Variants in CRLF1 observed in about 807,000 individuals in gnomAD.
CRLF1 encodes cytokine receptor-like factor 1.
A neutral mutation model predicts 48.9 loss-of-function variants in CRLF1; 36 were observed. The observed-to-expected ratio is 0.74, with a 90% confidence interval of 0.56 to 0.97. CRLF1 has a LOEUF of 0.97. Ranked by LOEUF, CRLF1 falls within the 50% of genes least tolerant of loss-of-function variation. CRLF1 has a pLI of 0.00. For synonymous variants in CRLF1, 256 were observed against 253.4 expected, an observed-to-expected ratio of 1.01 and a Z score of -0.10; for missense variants, 534 against 575.1, an observed-to-expected ratio of 0.93 and a Z score of 0.73.
chr19:18,594,219 C>G, intron 7 of CRLF1, 28 bp downstream of exon 7: 2 of 1,612,508 alleles, frequency 1.2e-6, no homozygotes, highest in Non-Finnish European at 1.7e-6. Context: ...TGTCCCCACC[C>G]CCACGCCCGA....
intron 8 of CRLF1, 26 bp downstream of exon 8, chr19:18,594,039 C>T: frequency 9.4e-6 from 12 of 1,271,606 alleles, no homozygotes; most frequent in East Asian, 2.8e-5. Context: ...TGCTCCCTCC[C>T]GCCCACCCAT....
At position 18,599,700 on chromosome 19, in the gene CRLF1, AG is replaced by A. The variant is rs1467789973; in HGVS notation, c.261del (p.Ser88ProfsTer61). The A allele has an allele frequency of 1.2e-6, 2 of 1,611,780 alleles. No homozygotes were observed. Among genetic ancestry groups the A allele is most frequent in the Non-Finnish European group, 1.7e-6 (2 of 1,179,232 alleles). On this transcript the variant is annotated frameshift_variant, in exon 2 of 9. Coordinates refer to ENST00000392386, the MANE Select transcript of CRLF1 (RefSeq NM_004750.5). LOFTEE classifies it high-confidence loss of function. ...AAGGTGGAGGCGTTGAGTACACGGGAGAGCTCAGGGGGCAGGCGGCGCCCGT... is the reference window on the plus strand; with the variant it reads ...AAGGTGGAGGCGTTGAGTACACGGGAAGCTCAGGGGGCAGGCGGCGCCCGT... Reference protein sequence around the residue: ...TLNGRRLPPELSRVLNASTLA... With the variant: ...TLNGRRLPPEXSRVLNASTLA...
intron 1 of CRLF1, among the ~76,000 whole-genome samples, chr19:18,600,461 C>T (rs894554823): frequency 6.6e-6 from 1 of 151,980 alleles, no homozygotes; most frequent in African/African-American, 2.4e-5. Flanking sequence ...CTCCGCCTCC[C>T]GGGATCATGC....
intron 4 of CRLF1, among the ~76,000 whole-genome samples, chr19:18,598,137 C>T (rs1976167146): frequency 6.6e-6 from 1 of 152,192 alleles, no homozygotes; most frequent in Non-Finnish European, 1.5e-5. Flanking sequence ...GCCCCCTCCC[C>T]TCTCCCCAGG....
intron 1 of CRLF1, among the ~76,000 whole-genome samples, chr19:18,603,950 C>T (rs1026912019): frequency 2.0e-5 from 3 of 152,094 alleles, no homozygotes; most frequent in African/African-American, 4.8e-5. Context: ...GCCAGCCGCC[C>T]GCTAATTCGG....
rs746899162 is a variant in CRLF1, at chr19:18,598,606, G to C, written c.528-5C>G. On this transcript the variant is annotated splice_region_variant and splice_polypyrimidine_tract_variant and intron_variant, in intron 3 of 8. Transcript: ENST00000392386. ...GTGTTGTCCTGGCCATACCACCTGC[G>C]GGGATGGGAGGGCGACAGGACGCAT... 1 of 1,613,992 alleles carries C rather than the reference G, an allele frequency of 6.2e-7. No homozygotes were observed. The highest frequency in any genetic ancestry group is 8.5e-7 in the Non-Finnish European group (1 of 1,179,962).
intron 1 of CRLF1, among the ~76,000 whole-genome samples, chr19:18,603,658 C>T (rs1403870591): frequency 6.6e-6 from 1 of 152,244 alleles, no homozygotes; most frequent in African/African-American, 2.4e-5. Context: ...CCCTGAATGC[C>T]AGCGCTGCCC....
chr19:18,602,481 G>A (rs988058400), intron 1 of CRLF1, among the ~76,000 whole-genome samples: 5 of 152,010 alleles, frequency 3.3e-5, no homozygotes, highest in African/African-American at 1.2e-4. Context: ...GGAGGGGGTG[G>A]TGGCCCCATG....
rs1215326408 is a variant in CRLF1, at chr19:18,593,536, G to A, written c.*30C>T. On this transcript the variant is annotated 3_prime_UTR_variant, in exon 9 of 9. Coordinates refer to ENST00000392386, the MANE Select transcript of CRLF1 (RefSeq NM_004750.5). The stretch of plus-strand genomic sequence containing the variant: ...GGGTTCGGCCTCTGCGTCTCCACGT[G>A]GCAGGGAGGGTGGCCTGAGCCCCTA... 13 of 1,610,352 alleles carry A rather than the reference G, an allele frequency of 8.1e-6. 1 individual carries two copies. Among genetic ancestry groups the A allele is most frequent in the South Asian group, 5.5e-5 (5 of 90,302 alleles).
At chr19:18,594,003 G>T in intron 8 of CRLF1, 62 bp downstream of exon 8, 1 of 1,536,490 alleles carries the variant, frequency 6.5e-7, no homozygotes, top group Non-Finnish European at 8.8e-7. Context: ...AACAAGACCT[G>T]CAGCCACCGG....
intron 1 of CRLF1, among the ~76,000 whole-genome samples, chr19:18,600,805 T>C (rs1388064773): frequency 6.6e-6 from 1 of 151,852 alleles, no homozygotes; most frequent in Non-Finnish European, 1.5e-5. Context: ...AGGCATGCTT[T>C]GCTTTTTATT....
chr19:18,605,705 G>A (rs1273498547), intron 1 of CRLF1, among the ~76,000 whole-genome samples: 1 of 152,226 alleles, frequency 6.6e-6, no homozygotes, highest in East Asian at 1.9e-4. Flanking sequence ...TGCATACGGA[G>A]ACGTATCCTT....
chr19:18,594,032 T>TGGGGGGGCC, intron 8 of CRLF1, 33 bp downstream of exon 8: 29 of 695,766 alleles, frequency 4.2e-5, no homozygotes, highest in Non-Finnish European at 5.5e-5. Context: ...CTCCCCTTGC[T>TGGGGGGGCC]CCCTCCCGCC....
chr19:18,597,024 C>T lies in CRLF1; in HGVS notation c.723G>A (p.Val241=), dbSNP rs776875106. 4 of 1,612,772 alleles carry T rather than the reference C, an allele frequency of 2.5e-6. No homozygotes were observed. The highest frequency in any genetic ancestry group is 3.4e-6 in the Non-Finnish European group (4 of 1,179,656). The part of the protein sequence containing the change: ...DVVTTDPPPD[V]HVSRVGGLED... ...CCAGGCCCCCGACGCGGCTCACGTG[C>T]ACGTCGGGCGGGGGGTCCGTGGTCA... The change falls in exon 5 of 9, where the codon GTG becomes GTA. Residue 241 remains valine, a synonymous_variant. Transcript: ENST00000392386.
At chr19:18,599,965 AT>A in intron 1 of CRLF1, 119 bp from the exon 2 acceptor site, 1 of 1,105,140 alleles carries the variant, frequency 9.0e-7, no homozygotes, top group South Asian at 2.0e-5. Context: ...ATTGTCCCCC[AT>A]TTTACAGATA....
intron 1 of CRLF1, among the ~76,000 whole-genome samples, chr19:18,605,944 T>C (rs1028608534): frequency 6.6e-6 from 1 of 151,864 alleles, no homozygotes; most frequent in African/African-American, 2.4e-5. Context: ...CTGAAAACGG[T>C]TCTAAGCGCC....
At chr19:18,593,803 G>T in intron 8 of CRLF1, 1 of 985,468 alleles carries the variant, frequency 1.0e-6, no homozygotes, top group Non-Finnish European at 1.2e-6. Flanking sequence ...TGCTAACTAG[G>T]GTGAGTATGT....
intron 8 of CRLF1, 122 bp downstream of exon 8, chr19:18,593,943 G>T: frequency 6.7e-7 from 1 of 1,488,128 alleles, no homozygotes; most frequent in Non-Finnish European, 9.1e-7. Context: ...GAAGAGGACG[G>T]ATTCCATCTC....
Position 18,606,129 on chromosome 19 carries a change from G to T in CRLF1, c.115+413C>A, listed in dbSNP as rs1319583752. Among the ~76,000 whole-genome samples the T allele has an allele frequency of 6.6e-6, 1 of 151,410 alleles. No homozygotes were observed. Among genetic ancestry groups the T allele is most frequent in the African/African-American group, 2.4e-5 (1 of 41,268 alleles). On this transcript the variant is annotated intron_variant, in intron 1 of 8. Transcript: ENST00000392386. This position sits in a 1 kb window ranked among gnomAD's most constrained non-coding sequence, Gnocchi z 4.8. ...GGGGCTCATCCCTCCGCCTGGGGGG[G>T]CCCGCTGGGGGCCCGCACCCAGCGC...
Sources: gnomAD v4.1 joint callset for allele counts (sites outside exome capture counted in the v4.1 genomes callset) on GRCh38, gnomAD v4.1.1 for gene constraint, Gnocchi (gnomAD v3.1) non-coding constraint, MANE v1.5 for transcripts, NCBI Gene and HGNC (gene_info 2026-07-23, HGNC 2026-07-21) for gene names.